LRP6: variants seen among roughly 807,000 people sequenced by gnomAD.
The protein encoded by LRP6 is low-density lipoprotein receptor-related protein 6.
Under a neutral mutation model 184.1 loss-of-function variants are expected in LRP6, and 43 were observed. That is an observed-to-expected ratio of 0.23 (90% CI 0.18 to 0.30). The LOEUF (loss-of-function observed/expected upper bound fraction) is 0.30, where lower values mean the gene tolerates loss of function less well. Among genes scored for constraint, LRP6 ranks in the 10% least tolerant of loss-of-function variants. LRP6 has a pLI of 1.00. For missense variants in LRP6, 1,571 were observed against 2,005.3 expected (o/e 0.78, Z 4.14); for synonymous variants, 719 against 684.9 (o/e 1.05, Z -0.78).
chr12:12,130,818 A>C lies in LRP6; in HGVS notation c.4046T>G (p.Val1349Gly). Residue 1349 changes from valine (V) to glycine (G), a missense_variant, in exon 19 of 23, where the codon GTG (valine) becomes GGG (glycine). Transcript: ENST00000261349. ...IGKHKKCDHN[V>G]DCSDKSDELD... ...TTCATCTGACTTGTCACTGCAATCC[A>C]CATTATGATCACACTTCTTGTGCTT... The C allele has an allele frequency of 1.9e-6, 3 of 1,613,578 alleles. No individual in the cohort carries two copies. Among genetic ancestry groups the C allele is most frequent in the Non-Finnish European group, 2.5e-6 (3 of 1,179,468 alleles).
Position 12,120,993 on chromosome 12 carries a change from C to T in LRP6, c.*133G>A. 1.5e-6 allele frequency: 1 copy of T among 680,454 alleles called. No homozygotes were observed. Among genetic ancestry groups the T allele is most frequent in the Non-Finnish European group, 2.4e-6 (1 of 419,178 alleles). The allele number at this position is 680,454 out of a possible 1,614,324, so 42.2% of individuals were successfully genotyped here. ...GTACAAATATCTCCAGTATTCCCTA[C>T]CCCATTTTATAATTTTAACTGTACA... On this transcript the variant is annotated 3_prime_UTR_variant, in exon 23 of 23. Coordinates refer to ENST00000261349, the MANE Select transcript of LRP6 (RefSeq NM_002336.3).
chr12:12,265,828 T>C (rs772166679), intron 1 of LRP6, among the ~76,000 whole-genome samples: 2 of 152,148 alleles, frequency 1.3e-5, no homozygotes, highest in Non-Finnish European at 2.9e-5. Context: ...CAAAACATCA[T>C]AGTGCCATCG....
At chr12:12,159,463 C>G (rs1437049590) in intron 11 of LRP6, among the ~76,000 whole-genome samples, 2 of 152,090 alleles carry the variant, frequency 1.3e-5, no homozygotes, top group African/African-American at 4.8e-5. Flanking sequence ...GTCTACAGTT[C>G]ACTTTTTCTT....
At chr12:12,200,291 G>GA (rs1325759377) in intron 3 of LRP6, among the ~76,000 whole-genome samples, 4 of 152,184 alleles carry the variant, frequency 2.6e-5, no homozygotes, top group Non-Finnish European at 5.9e-5. Flanking sequence ...CTGGCAGAAA[G>GA]AAAAAAGAGA....
chr12:12,153,298 G>A (rs891896894), intron 12 of LRP6, among the ~76,000 whole-genome samples: 3 of 152,152 alleles, frequency 2.0e-5, no homozygotes, highest in African/African-American at 7.2e-5. Flanking sequence ...AGACCAGCCT[G>A]AACAACCCAG....
chr12:12,256,643 C>T (rs953043708), intron 1 of LRP6, among the ~76,000 whole-genome samples: 2 of 152,108 alleles, frequency 1.3e-5, no homozygotes, highest in Non-Finnish European at 2.9e-5. Flanking sequence ...CCCCTCTCTA[C>T]TAAAAATACA....
intron 3 of LRP6, among the ~76,000 whole-genome samples, chr12:12,191,252 C>T (rs552564924): frequency 6.6e-6 from 1 of 152,254 alleles, no homozygotes; most frequent in South Asian, 2.1e-4. Context: ...GGGCTCCCTT[C>T]CAGACAAAGC....
chr12:12,135,367 G>A, intron 16 of LRP6, 67 bp from the exon 17 acceptor site: 1 of 1,051,684 alleles, frequency 9.5e-7, no homozygotes. Flanking sequence ...TGGGAGAGAA[G>A]AGAAAAAGGG....
Position 12,184,405 on chromosome 12 carries a change from C to CAAAA in LRP6, c.845-295_845-294insTTTT, listed in dbSNP as rs1391705653. Reference sequence around the variant, plus strand: ...GCAAAACTAAAAACAAACAAACAAACAAACAAAACCAATAAAACTAAGTGC... The same window carrying CAAAA: ...GCAAAACTAAAAACAAACAAACAAACAAAAAAACAAAACCAATAAAACTAAGTGC... On this transcript the variant is annotated intron_variant, in intron 4 of 22. Coordinates refer to ENST00000261349, the MANE Select transcript of LRP6 (RefSeq NM_002336.3). 3.9e-4 allele frequency among the ~76,000 whole-genome samples: 48 copies of CAAAA among 123,726 alleles called. 1 individual carries two copies. Among genetic ancestry groups the CAAAA allele is most frequent in the Middle Eastern group, 4.1e-3 (1 of 244 alleles). 81.2% of individuals were successfully genotyped at this position (123,726 alleles called of 152,430 possible). A position where few individuals can be genotyped will look rare whatever the true frequency, so the allele number is the denominator to read the frequency against.
chr12:12,143,827 TTC>T (rs1413162661), intron 15 of LRP6, among the ~76,000 whole-genome samples: 1 of 152,228 alleles, frequency 6.6e-6, no homozygotes, highest in African/African-American at 2.4e-5. Context: ...AAACATTTCT[TTC>T]TTTTTTCTTA....
At chr12:12,221,059 G>T (rs1864474174) in intron 2 of LRP6, among the ~76,000 whole-genome samples, 1 of 152,144 alleles carries the variant, frequency 6.6e-6, no homozygotes, top group Non-Finnish European at 1.5e-5. Context: ...AATCTACTAT[G>T]ACCCCTCTCT....
rs76413510 is a variant in LRP6, at chr12:12,128,800, C to G, written c.4082-1879G>C. Among the ~76,000 whole-genome samples, 919 of 152,270 alleles carry G rather than the reference C, an allele frequency of 6.0e-3. 7 individuals are homozygous for G. The highest frequency in any genetic ancestry group is 0.021 in the African/African-American group (877 of 41,548). On this transcript the variant is annotated intron_variant, in intron 19 of 22. Coordinates refer to ENST00000261349, the MANE Select transcript of LRP6 (RefSeq NM_002336.3). ...CTGCTATATATCCCATTTAATGACTCCAGTCACTCAGTGAGGTACCTGTGG... is the reference window on the plus strand; with the variant it reads ...CTGCTATATATCCCATTTAATGACTGCAGTCACTCAGTGAGGTACCTGTGG...
rs777185107 is a variant in LRP6 at position 12,135,311 on chromosome 12, A to G, written c.3608-11T>C. The G allele has an allele frequency of 3.7e-6, 6 of 1,608,998 alleles. No homozygotes were observed. Among genetic ancestry groups the G allele is most frequent in the Admixed American group, 3.3e-5 (2 of 59,874 alleles). On this transcript the variant is annotated splice_polypyrimidine_tract_variant and intron_variant, in intron 16 of 22. Coordinates refer to ENST00000261349, the MANE Select transcript of LRP6 (RefSeq NM_002336.3). Reference sequence around the variant, plus strand: ...CACAAGGGTGCTGTCCTGCAAAGAGAAGAGGTGAGGATGGGGAGAGGAGGG... The same window carrying G: ...CACAAGGGTGCTGTCCTGCAAAGAGGAGAGGTGAGGATGGGGAGAGGAGGG...
intron 3 of LRP6, 94 bp from the exon 4 acceptor site, chr12:12,187,213 T>C (rs1160870056): frequency 2.0e-6 from 2 of 1,010,348 alleles, no homozygotes; most frequent in Non-Finnish European, 3.1e-6. Context: ...TTAGTTCACA[T>C]TAACACATAC....
intron 3 of LRP6, among the ~76,000 whole-genome samples, chr12:12,193,787 G>C (rs759279636): frequency 6.6e-6 from 1 of 152,042 alleles, no homozygotes; most frequent in African/African-American, 2.4e-5. Context: ...AGGAAAAGTT[G>C]TATCAACTGG....
chr12:12,232,621 A>T (rs1864821878), intron 2 of LRP6, among the ~76,000 whole-genome samples: 1 of 147,516 alleles, frequency 6.8e-6, no homozygotes, highest in Non-Finnish European at 1.5e-5. Flanking sequence ...ATTTTTAAGA[A>T]CTTCAGAAAA....
chr12:12,140,067 T>C (rs1485676331), intron 15 of LRP6, among the ~76,000 whole-genome samples: 1 of 151,896 alleles, frequency 6.6e-6, no homozygotes, highest in African/African-American at 2.4e-5. Flanking sequence ...TCATACTAAA[T>C]ACAAACAGCT....
Position 12,179,819 on chromosome 12 carries a change from G to C in LRP6, c.1536C>G (p.Asp512Glu). Residue 512 changes from aspartate to glutamate, a missense_variant, in exon 7 of 23, where the codon GAC becomes GAG. Around this residue, in one of 4 missense-constraint regions of LRP6, gnomAD observed 640 missense variants for 851.9 expected, o/e 0.75. Transcript: ENST00000261349. ...AAAGCAAAAAACAAACCTCAATCTT[G>C]TCTGTTTTGGCATCTCCCCAGTATA... ...GKIYWGDAKT[D>E]KIEVMNTDGT... is the part of the protein sequence containing the mutation. 3 of 1,613,644 alleles carry C rather than the reference G, an allele frequency of 1.9e-6. No homozygotes were observed. Among genetic ancestry groups the C allele is most frequent in the Non-Finnish European group, 2.5e-6 (3 of 1,179,740 alleles).
intron 17 of LRP6, among the ~76,000 whole-genome samples, chr12:12,134,680 G>A (rs1018742877): frequency 6.6e-6 from 1 of 152,136 alleles, no homozygotes; most frequent in Non-Finnish European, 1.5e-5. Context: ...TAAACTTAGA[G>A]AATCTACAAT....
Sources: allele counts gnomAD v4.1 joint callset (sites outside exome capture counted in the v4.1 genomes callset), GRCh38; gene constraint gnomAD v4.1.1; regional missense constraint gnomAD v4.1.1; transcripts MANE v1.5; gene names NCBI Gene and HGNC (gene_info 2026-07-23, HGNC 2026-07-21).